Variants in PLEC observed in about 807,000 individuals in gnomAD.
The protein encoded by PLEC is plectin.
Under a neutral mutation model 392.8 loss-of-function variants are expected in PLEC, and 216 were observed. The observed-to-expected ratio is 0.55, with a 90% confidence interval of 0.49 to 0.62. The LOEUF is 0.62. Ranked by LOEUF, PLEC falls within the 20% of genes least tolerant of loss-of-function variation. The pLI, the probability that PLEC is intolerant of heterozygous loss-of-function variation, is 0.00. For missense variants in PLEC, 6,863 were observed against 6,563.4 expected (o/e 1.05, Z -1.58); for synonymous variants, 3,621 against 2,980.6 (o/e 1.21, Z -7.00).
At chr8:143,953,758 C>G, upstream of PLEC, 1 of 1,612,218 alleles carries the variant, frequency 6.2e-7, no homozygotes. Context: ...CTGGATGGCT[C>G]GCGAGGGGTC....
rs1821444996 is a variant in PLEC at position 143,918,724 on chromosome 8, A to G, written c.11097T>C (p.Gly3699=). 3 of 1,612,798 alleles carry G rather than the reference A, an allele frequency of 1.9e-6. No homozygotes were observed. The highest frequency in any genetic ancestry group is 2.5e-6 in the Non-Finnish European group (3 of 1,179,996). ...TGSVAGVYLP[G]SRQTLSIYQA... is the part of the protein sequence containing the mutation. ...GGTAGATGCTCAGTGTCTGCCTGGA[A>G]CCGGGCAGGTAGACACCAGCCACGG... The change falls in exon 32 of 32, where the codon GGT becomes GGC. Residue 3699 remains glycine, a synonymous_variant. Coordinates refer to ENST00000345136, the MANE Select transcript of PLEC (RefSeq NM_201384.3).
upstream of PLEC, among the ~76,000 whole-genome samples, chr8:143,955,267 A>G (rs2132810077): frequency 6.6e-6 from 1 of 152,318 alleles, no homozygotes; most frequent in African/African-American, 2.4e-5. Flanking sequence ...ACTTGAGGTC[A>G]GGAGTTTGAG....
Position 143,921,155 on chromosome 8 carries a change from G to C in PLEC, c.8666C>G (p.Ala2889Gly). ...LCLLPLTDKA[A>G]KGGELVYTDS... ...AGTGTAGACCAGCTCCCCGCCCTTG[G>C]CAGCCTTATCCGTGAGTGGCAGAAG... The change falls in exon 32 of 32, where the codon GCC (alanine) becomes GGC (glycine). Residue 2889 changes from alanine to glycine, a missense_variant. Coordinates refer to ENST00000345136, the MANE Select transcript of PLEC (RefSeq NM_201384.3). 1 of 1,613,636 alleles carries C rather than the reference G, an allele frequency of 6.2e-7. No homozygotes were observed. Among genetic ancestry groups the C allele is most frequent in the Non-Finnish European group, 8.5e-7 (1 of 1,180,036 alleles).
upstream of PLEC, chr8:143,953,786 T>C (rs1554738223): frequency 1.9e-6 from 3 of 1,611,562 alleles, no homozygotes; most frequent in Non-Finnish European, 1.7e-6. Context: ...GCGCCGGGGC[T>C]GAGGGCGGCT....
At chr8:143,952,744 G>T (rs900703685), upstream of PLEC, among the ~76,000 whole-genome samples, 3 of 152,130 alleles carry the variant, frequency 2.0e-5, no homozygotes, top group Non-Finnish European at 2.9e-5. Flanking sequence ...ACACAGGCCT[G>T]CAGGGGTGCC....
Position 143,918,360 on chromosome 8 carries a change from C to G in PLEC, c.11461G>C (p.Glu3821Gln). 6.3e-7 allele frequency: 1 copy of G among 1,574,860 alleles called. No individual in the cohort carries two copies. Among genetic ancestry groups the G allele is most frequent in the Non-Finnish European group, 8.6e-7 (1 of 1,166,948 alleles). ...AGGTAGCCACGCTGGTAAGCCACCT[C>G]CAGGGGAAGGTGGAAGCCCAGGCGG... Reference protein sequence around the residue: ...DPRLGFHLPLEVAYQRGYLNK... With the variant: ...DPRLGFHLPLQVAYQRGYLNK... The change falls in exon 32 of 32, where the codon GAG becomes CAG. Residue 3821 changes from glutamate to glutamine, a missense_variant. Transcript: ENST00000345136.
In PLEC at chr8:143,935,836, G is replaced by A. The variant is rs184306103; in HGVS notation, c.602+12C>T. The stretch of plus-strand genomic sequence containing the variant: ...CCCCAGCCCACAGCCCCCTGCCCCC[G>A]GGGCCATGTACTTGTGCCGGTGGAT... On this transcript the variant is annotated intron_variant, in intron 6 of 31. Coordinates refer to ENST00000345136, the MANE Select transcript of PLEC (RefSeq NM_201384.3). 4.3e-4 allele frequency: 701 copies of A among 1,612,372 alleles called. 3 individuals are homozygous for A. The African/African-American group carries it at 7.5e-3, about 17-fold the overall frequency.
rs782622438 is a variant in PLEC at position 143,923,537 on chromosome 8, G to A, written c.6392C>T (p.Ala2131Val). Residue 2131 changes from alanine to valine, a missense_variant, in exon 31 of 32, where the codon GCA becomes GTA. Transcript: ENST00000345136. ...GCGCAGCTTCTCTGCAGCCGCCTGT[G>A]CCTGAGCCCGGGCCTGTGCCTGCTC... is the stretch of plus-strand genomic sequence containing the variant. ...AEEQAQARAQ[A>V]QAAAEKLRKE... 35 of 1,597,404 alleles carry A rather than the reference G, an allele frequency of 2.2e-5. No homozygotes were observed. Among genetic ancestry groups the A allele is most frequent in the South Asian group, 5.5e-5 (5 of 90,774 alleles).
At position 143,927,786 on chromosome 8, in the gene PLEC, CAT is replaced by C. The variant is rs781865205; in HGVS notation, c.3400-22_3400-21del. 3.1e-6 allele frequency: 5 copies of C among 1,595,180 alleles called. No individual in the cohort carries two copies. In the African/African-American group the frequency reaches 6.7e-5, roughly 21 times the overall value. ...CAGCTTCTGTTGGGGACAGGAGGGA[CAT>C]GTGCGGCTTCAGCTGGGCCCGCTGT... On this transcript the variant is annotated intron_variant, in intron 26 of 31. Transcript: ENST00000345136.
rs369984112 is a variant in PLEC, at chr8:143,921,310, C to G, written c.8511G>C (p.Glu2837Asp). The G allele has an allele frequency of 1.0e-4, 163 of 1,613,902 alleles. 1 individual carries two copies. The highest frequency in any genetic ancestry group is 6.6e-4 in the South Asian group (60 of 91,090). ...GGTCCGCCAGGACGCGGTTCATCTC[C>G]TCGTCGAAGTAGCCGCGCCGGTAGG... ...DVAYRRGYFD[E>D]EMNRVLADPS... is the part of the protein sequence containing the mutation. Residue 2837 changes from glutamate (E) to aspartate (D), a missense_variant, in exon 32 of 32, where the codon GAG becomes GAC. Glu to Asp is a conservative substitution (Grantham distance 45, BLOSUM62 2). Transcript: ENST00000345136.
At chr8:143,955,678 C>T (rs1373441020), upstream of PLEC, among the ~76,000 whole-genome samples, 1 of 151,972 alleles carries the variant, frequency 6.6e-6, no homozygotes, top group Non-Finnish European at 1.5e-5. Flanking sequence ...CGGCTCACAG[C>T]AGCCTCGACC....
In PLEC at chr8:143,917,244, T is replaced by C. The variant is rs1820870341; in HGVS notation, c.12577A>G (p.Met4193Val). ...CGCCCGGAGCGGCGGTCGATGATCATGGACTTGACCACGCCGTCCGAGGAG... is the reference window on the plus strand; with the variant it reads ...CGCCCGGAGCGGCGGTCGATGATCACGGACTTGACCACGCCGTCCGAGGAG... ...ISSSDGVVKS[M>V]IIDRRSGRQY... is the part of the protein sequence containing the mutation. The change falls in exon 32 of 32, where the codon ATG becomes GTG. Residue 4193 changes from methionine (M) to valine (V), a missense_variant. Met to Val is a conservative substitution (Grantham distance 21). Transcript: ENST00000345136. 5.0e-6 allele frequency: 8 copies of C among 1,612,720 alleles called. No homozygotes were observed. The highest frequency in any genetic ancestry group is 6.8e-6 in the Non-Finnish European group (8 of 1,179,780).
rs1823259977 is a variant in PLEC at position 143,922,657 on chromosome 8, G to A, written c.7272C>T (p.Thr2424=). 1.9e-6 allele frequency: 3 copies of A among 1,613,408 alleles called. No individual in the cohort carries two copies. Among genetic ancestry groups the A allele is most frequent in the Non-Finnish European group, 2.5e-6 (3 of 1,179,942 alleles). The change falls in exon 31 of 32, where the codon ACC becomes ACT. Residue 2424 remains threonine (T), a synonymous_variant. Transcript: ENST00000345136. Reference sequence around the variant, plus strand: ...TCTGCACCAGGGTCACCTTCTCCTGGGTGGCGAGCTCCGTGCGGTGCAGCT... The same window carrying A: ...TCTGCACCAGGGTCACCTTCTCCTGAGTGGCGAGCTCCGTGCGGTGCAGCT... ...GEKLHRTELA[T]QEKVTLVQTL...
chr8:143,923,663 G>GC lies in PLEC; in HGVS notation c.6265dup (p.Ala2089GlyfsTer3). ...CCGGGCCTCCTCCGCCTCCTCAGCC[G>GC]CCCGCCGGGCCGCCTCCGCCTCGCC... On this transcript the variant is annotated frameshift_variant, in exon 31 of 32. Coordinates refer to ENST00000345136, the MANE Select transcript of PLEC (RefSeq NM_201384.3). LOFTEE classifies it high-confidence loss of function. The GC allele has an allele frequency of 6.4e-7, 1 of 1,559,742 alleles. No individual in the cohort carries two copies. The highest frequency in any genetic ancestry group is 8.6e-7 in the Non-Finnish European group (1 of 1,159,906).
upstream of PLEC, chr8:143,943,712 A>T: frequency 2.1e-6 from 3 of 1,441,144 alleles, no homozygotes; most frequent in Non-Finnish European, 2.9e-6. Context: ...GCAGGGAATG[A>T]AGGGGCGGGA....
rs1195997039 is a variant in PLEC at position 143,929,664 on chromosome 8, G to C, written c.2905C>G (p.Leu969Val). Residue 969 changes from leucine (L) to valine (V), a missense_variant, in exon 23 of 32, where the codon CTG becomes GTG. Coordinates refer to ENST00000345136, the MANE Select transcript of PLEC (RefSeq NM_201384.3). The part of the protein sequence containing the change: ...GSCSHHYQQL[L>V]QSLEQGAQEE... The stretch of plus-strand genomic sequence containing the variant: ...GCCCTACCCTGTTCCAGGCTCTGCA[G>C]CAGCTGCTGGTAGTGGTGGCTGCAG... 3 of 1,602,980 alleles carry C rather than the reference G, an allele frequency of 1.9e-6. No homozygotes were observed. In the Admixed American group the frequency reaches 5.0e-5, roughly 27 times the overall value.
At chr8:143,946,178 C>T (rs532258105) in intron 1 of PLEC, among the ~76,000 whole-genome samples, 5 of 152,356 alleles carry the variant, frequency 3.3e-5, no homozygotes, top group South Asian at 4.1e-4. Context: ...CCTGTGCTTC[C>T]GGGACACACA....
In PLEC at chr8:143,918,238, G is replaced by T; in HGVS notation, c.11583C>A (p.Leu3861=). 6.3e-7 allele frequency: 1 copy of T among 1,588,944 alleles called. No homozygotes were observed. The highest frequency in any genetic ancestry group is 1.1e-5 in the South Asian group (1 of 90,362). ...TGCCGTCGTCACGACGGCACCGCCT[G>T]AGCAGCTGCGTGTAGCTGAGGCGCT... ...TDERLSYTQL[L]RRCRRDDGTG... is the part of the protein sequence containing the mutation. Residue 3861 remains leucine (L), a synonymous_variant, in exon 32 of 32, where the codon CTC becomes CTA. Coordinates refer to ENST00000345136, the MANE Select transcript of PLEC (RefSeq NM_201384.3).
Position 143,919,814 on chromosome 8 carries a change from G to A in PLEC, c.10007C>T (p.Thr3336Met), listed in dbSNP as rs199950917. The change falls in exon 32 of 32, where the codon ACG becomes ATG. Residue 3336 changes from threonine (T) to methionine (M), a missense_variant. Physicochemically the swap from Thr to Met is moderately conservative, Grantham distance 81. Coordinates refer to ENST00000345136, the MANE Select transcript of PLEC (RefSeq NM_201384.3). ...CAGCTCCGAAAGGTCCTTGACCGTC[G>A]TCTTGCCGTCCTTGAGCTGCTCAAA... Reference protein sequence around the residue: ...AQFEQLKDGKTTVKDLSELGS... With the variant: ...AQFEQLKDGKMTVKDLSELGS... The A allele has an allele frequency of 7.0e-5, 113 of 1,612,956 alleles. No homozygotes were observed. The highest frequency in any genetic ancestry group is 2.9e-4 in the South Asian group (26 of 91,088).
Sources: allele counts gnomAD v4.1 joint callset (sites outside exome capture counted in the v4.1 genomes callset), GRCh38; gene constraint gnomAD v4.1.1; transcripts MANE v1.5; gene names NCBI Gene and HGNC (gene_info 2026-07-23, HGNC 2026-07-21).